Variants in CHODL observed in about 807,000 individuals in gnomAD.
CHODL encodes the protein transmembrane protein MT75.
Under a neutral mutation model 34.5 loss-of-function variants are expected in CHODL, and 29 were observed. The ratio of observed to expected loss-of-function variants is 0.84; its 90% CI spans 0.63 to 1.15. The LOEUF is 1.15. Among genes scored for constraint, CHODL ranks in the 50% most tolerant of loss-of-function variants. The probability of loss-of-function intolerance (pLI) is 0.00; values close to 1 mark genes in which losing one functional copy is unlikely to be tolerated. For missense variants in CHODL, 332 were observed against 332.5 expected, an observed-to-expected ratio of 1.00 and a Z score of 0.01; for synonymous variants, 125 against 116.1, an observed-to-expected ratio of 1.08 and a Z score of -0.49.
chr21:17,988,139 A>G (rs67487312), intron 1 of CHODL, among the ~76,000 whole-genome samples: 34,381 of 152,186 alleles, frequency 0.23, 4,759 homozygotes, highest in Non-Finnish European at 0.31. Flanking sequence ...TGCAAAACGC[A>G]TTAAGTTTTG....
chr21:18,220,859 G>A (rs1200065085), intron 2 of CHODL, among the ~76,000 whole-genome samples: 1 of 152,048 alleles, frequency 6.6e-6, no homozygotes, highest in East Asian at 1.9e-4. Flanking sequence ...TGACTATAAT[G>A]TGCCTTGGAG....
intron 2 of CHODL, among the ~76,000 whole-genome samples, chr21:18,235,549 A>G (rs914668324): frequency 1.3e-5 from 2 of 152,084 alleles, no homozygotes; most frequent in African/African-American, 4.8e-5. Context: ...TATTGTCTAT[A>G]AAATTTAAGG....
At chr21:18,254,981 G>A (rs9983595) in intron 1 of CHODL, among the ~76,000 whole-genome samples, 19,105 of 151,546 alleles carry the variant, frequency 0.13, 1,291 homozygotes, top group Middle Eastern at 0.17. Flanking sequence ...TTGTGATTCT[G>A]GCCAATATCT....
At chr21:17,969,227 T>C (rs2063595755) in intron 1 of CHODL, among the ~76,000 whole-genome samples, 1 of 152,220 alleles carries the variant, frequency 6.6e-6, no homozygotes, top group African/African-American at 2.4e-5. Flanking sequence ...AATAGTTCAT[T>C]CTGTTGCACA....
At chr21:17,992,555 TA>T (rs1470175549) in intron 1 of CHODL, among the ~76,000 whole-genome samples, 5 of 152,172 alleles carry the variant, frequency 3.3e-5, no homozygotes, top group African/African-American at 1.2e-4. Context: ...GTAATTTATT[TA>T]TTTATTTTTG....
chr21:18,092,787 A>G (rs1264325229), intron 2 of CHODL, among the ~76,000 whole-genome samples: 1 of 152,212 alleles, frequency 6.6e-6, no homozygotes, highest in Non-Finnish European at 1.5e-5. Flanking sequence ...ACAAAGAAAA[A>G]AGAATACAAA....
At position 18,136,109 on chromosome 21, in the gene CHODL, AAAAAAAAAAG is replaced by A. The variant is rs1270496941; in HGVS notation, c.-45+108144_-45+108153del. ...CGACAGAGCAAGATTATGTCTCAAA[AAAAAAAAAAG>A]AAAAAGAAAAAAAAGAAAAAATGAA... On this transcript the variant is annotated intron_variant, in intron 2 of 6. Coordinates refer to the CHODL transcript ENST00000400127. Among the ~76,000 whole-genome samples, 9 of 148,134 alleles carry A rather than the reference AAAAAAAAAAG, an allele frequency of 6.1e-5. 1 individual carries two copies. The highest frequency in any genetic ancestry group is 1.3e-4 in the Non-Finnish European group (9 of 67,408).
At chr21:17,980,594 G>A (rs2146374631) in intron 1 of CHODL, among the ~76,000 whole-genome samples, 1 of 152,334 alleles carries the variant, frequency 6.6e-6, no homozygotes, top group Middle Eastern at 3.4e-3. Context: ...GAGATGTGAA[G>A]AGGAAAATGA....
chr21:18,136,105 C>CAAAAAAA (rs67552520), intron 2 of CHODL, among the ~76,000 whole-genome samples: 8 of 89,474 alleles, frequency 8.9e-5, no homozygotes, highest in East Asian at 2.9e-4. Context: ...GATTATGTCT[C>CAAAAAAA]AAAAAAAAAA....
At chr21:18,194,070 CT>C (rs1466478152) in intron 2 of CHODL, among the ~76,000 whole-genome samples, 6 of 151,950 alleles carry the variant, frequency 3.9e-5, no homozygotes, top group African/African-American at 2.4e-5. Context: ...TGCTACCCCC[CT>C]GTGAAAAACA....
intron 1 of CHODL, among the ~76,000 whole-genome samples, chr21:17,992,190 T>G (rs1234703855): frequency 6.6e-6 from 1 of 151,936 alleles, no homozygotes; most frequent in African/African-American, 2.4e-5. Flanking sequence ...TATATGTCTG[T>G]TTTTTATACC....
intron 4 of CHODL, among the ~76,000 whole-genome samples, chr21:18,261,740 A>C (rs957473856): frequency 1.3e-5 from 2 of 152,110 alleles, no homozygotes; most frequent in African/African-American, 4.8e-5. Flanking sequence ...GATGTTTATT[A>C]ATTTTAAGTT....
chr21:18,201,171 G>A (rs965852063), intron 2 of CHODL, among the ~76,000 whole-genome samples: 3 of 152,042 alleles, frequency 2.0e-5, no homozygotes, highest in African/African-American at 4.8e-5. Flanking sequence ...CCAGGCTATC[G>A]GATTAATGAA....
At position 18,257,157 on chromosome 21, in the gene CHODL, A is replaced by G. The variant is rs745810353; in HGVS notation, c.547+30A>G. 55 of 1,565,914 alleles carry G rather than the reference A, an allele frequency of 3.5e-5. No homozygotes were observed. In the Admixed American group the frequency reaches 7.3e-4, roughly 21 times the overall value. On this transcript the variant is annotated intron_variant, in intron 3 of 5. Transcript: ENST00000299295. Reference sequence around the variant, plus strand: ...GCAGTAGCAAAAGAAGGTATAGAAGATTTTGTGCATGTTTAATTGTATTAA... The same window carrying G: ...GCAGTAGCAAAAGAAGGTATAGAAGGTTTTGTGCATGTTTAATTGTATTAA...
intron 4 of CHODL, 68 bp downstream of exon 4, chr21:18,260,354 G>A: frequency 1.0e-6 from 1 of 997,896 alleles, no homozygotes; most frequent in Non-Finnish European, 1.5e-6. Context: ...GCTTCATGTT[G>A]ACCCCAGTGA....
At chr21:17,962,619 T>C (rs2063539821) in intron 1 of CHODL, among the ~76,000 whole-genome samples, 1 of 152,196 alleles carries the variant, frequency 6.6e-6, no homozygotes, top group African/African-American at 2.4e-5. Flanking sequence ...GATGTGACCA[T>C]TAAAAAGATA....
chr21:18,176,881 C>T lies in CHODL; in HGVS notation c.-44-79628C>T, dbSNP rs909120013. ...ACAAGGATGATCAAGAGGGGATGAACATGTGACCCATGAGACAGGCAACAT... is the reference window on the plus strand; with the variant it reads ...ACAAGGATGATCAAGAGGGGATGAATATGTGACCCATGAGACAGGCAACAT... On this transcript the variant is annotated intron_variant, in intron 2 of 6. Transcript: ENST00000400127. Among the ~76,000 whole-genome samples, 14 of 151,934 alleles carry T rather than the reference C, an allele frequency of 9.2e-5. No homozygotes were observed. In the East Asian group the frequency reaches 1.5e-3, roughly 17 times the overall value.
At chr21:18,088,449 G>T (rs1460705196) in intron 2 of CHODL, among the ~76,000 whole-genome samples, 1 of 152,140 alleles carries the variant, frequency 6.6e-6, no homozygotes, top group South Asian at 2.1e-4. Flanking sequence ...GATTCTCTGT[G>T]GGCTCCCTTT....
In CHODL at chr21:18,262,748, T is replaced by A. The variant is rs370224054; in HGVS notation, c.635-43T>A. The A allele has an allele frequency of 1.3e-5, 15 of 1,139,768 alleles. No individual in the cohort carries two copies. In the African/African-American group the frequency reaches 1.7e-4, roughly 13 times the overall value. 70.6% of individuals were successfully genotyped at this position (1,139,768 alleles called of 1,614,324 possible). A position where few individuals can be genotyped will look rare whatever the true frequency, so the allele number is the denominator to read the frequency against. ...CTTACATATTTTTGCTTTAGAATTC[T>A]TCCTCAACTATCTTTTCACATGAAG... is the stretch of plus-strand genomic sequence containing the variant. On this transcript the variant is annotated intron_variant, in intron 4 of 5. Coordinates refer to ENST00000299295, the MANE Select transcript of CHODL (RefSeq NM_024944.3).
Sources: gnomAD v4.1 joint callset for allele counts (sites outside exome capture counted in the v4.1 genomes callset) on GRCh38, gnomAD v4.1.1 for gene constraint, MANE v1.5 for transcripts, NCBI Gene and HGNC (gene_info 2026-07-23, HGNC 2026-07-21) for gene names.